DCTN2: variants seen among roughly 807,000 people sequenced by gnomAD.
DCTN2 encodes the protein 50 kDa dynein-associated polypeptide.
DCTN2 carries 18 observed loss-of-function variants against 55.4 expected under a neutral mutation model. The observed-to-expected ratio is 0.32, with a 90% confidence interval of 0.22 to 0.48. The LOEUF (loss-of-function observed/expected upper bound fraction) is 0.48. DCTN2 is among the 20% of genes least tolerant of loss of function. DCTN2 has a pLI of 0.99. For synonymous variants in DCTN2, 168 were observed against 185.2 expected (o/e 0.91, Z 0.76); for missense variants, 390 against 491.0 (o/e 0.79, Z 1.94).
rs538067840 is a variant in DCTN2, at chr12:57,534,200, C to T, written c.524+92G>A. ...TCAGCATTAAGAAACATCTAAGCCA[C>T]TTCTCTGCCACTTAGCACCCCTGTC... On this transcript the variant is annotated intron_variant, in intron 6 of 13. Transcript: ENST00000548249. 96 of 1,523,218 alleles carry T rather than the reference C, an allele frequency of 6.3e-5. 1 individual carries two copies. In the African/African-American group the frequency reaches 1.2e-3, roughly 19 times the overall value. The allele number at this position is 1,523,218 out of a possible 1,614,324, so 94.4% of individuals were successfully genotyped here.
chr12:57,533,543 G>A (rs1182879685), intron 7 of DCTN2, among the ~76,000 whole-genome samples: 3 of 152,102 alleles, frequency 2.0e-5, no homozygotes, highest in South Asian at 4.1e-4. Flanking sequence ...AGGCCGAGGC[G>A]GGCGGATCAC....
chr12:57,534,192 C>G (rs1880018649), intron 6 of DCTN2, 95 bp from the exon 7 acceptor site: 1 of 1,525,578 alleles, frequency 6.6e-7, no homozygotes, highest in Admixed American at 2.0e-5. Context: ...TAAGAAACAT[C>G]TAAGCCACTT....
At position 57,530,471 on chromosome 12, in the gene DCTN2, C is replaced by G; in HGVS notation, c.*218G>C. Reference sequence around the variant, plus strand: ...TGGGCCCACGTCCTTATCCCCCAGGCCTGAGGGGAGACCACCTTCTGATGA... The same window carrying G: ...TGGGCCCACGTCCTTATCCCCCAGGGCTGAGGGGAGACCACCTTCTGATGA... On this transcript the variant is annotated 3_prime_UTR_variant, in exon 14 of 14. Coordinates refer to ENST00000548249, the MANE Select transcript of DCTN2 (RefSeq NM_001261413.2). 2.0e-6 allele frequency: 1 copy of G among 498,462 alleles called. No individual in the cohort carries two copies. Among genetic ancestry groups the G allele is most frequent in the East Asian group, 3.1e-5 (1 of 32,358 alleles). The allele number at this position is 498,462 out of a possible 1,614,324, so 30.9% of individuals were successfully genotyped here.
In DCTN2 at chr12:57,539,515, C is replaced by T. The variant is rs187374919; in HGVS notation, c.106-3670G>A. Among the ~76,000 whole-genome samples, 20 of 152,308 alleles carry T rather than the reference C, an allele frequency of 1.3e-4. No individual in the cohort carries two copies. In the East Asian group the frequency reaches 2.9e-3, roughly 22 times the overall value. On this transcript the variant is annotated intron_variant, in intron 2 of 13. Transcript: ENST00000548249. ...GCCACATAGATAAGGCTCCCACTTC[C>T]GGGCAAGGCTGGTTTAGAACTGCCA...
At chr12:57,535,422 A>G in intron 4 of DCTN2, 62 bp downstream of exon 4, 2 of 1,582,420 alleles carry the variant, frequency 1.3e-6, no homozygotes, top group South Asian at 2.2e-5. Flanking sequence ...TCTCCCTACT[A>G]CATGTCTGCT....
At position 57,543,759 on chromosome 12, in the gene DCTN2, A is replaced by C. The variant is rs1192535242; in HGVS notation, c.105+2269T>G. ...AGCTGAGCCTTAGGTGACAGAAACA[A>C]TTCAGCTCTTCTTGTATTTGCCATT... is the stretch of plus-strand genomic sequence containing the variant. On this transcript the variant is annotated intron_variant, in intron 2 of 13. Coordinates refer to ENST00000548249, the MANE Select transcript of DCTN2 (RefSeq NM_001261413.2). The C allele has an allele frequency of 3.9e-6, 5 of 1,279,152 alleles. No homozygotes were observed. In the Admixed American group the frequency reaches 1.2e-4, roughly 30 times the overall value. The allele number at this position is 1,279,152 out of a possible 1,614,324, so 79.2% of individuals were successfully genotyped here.
chr12:57,541,472 C>A, intron 2 of DCTN2: 1 of 1,220,782 alleles, frequency 8.2e-7, no homozygotes, highest in Non-Finnish European at 1.2e-6. Flanking sequence ...CACAATCAAG[C>A]ATACTCCAGG....
chr12:57,532,182 C>T lies in DCTN2; in HGVS notation c.1027+31G>A, dbSNP rs370683637. 1.7e-4 allele frequency: 267 copies of T among 1,552,250 alleles called. 1 individual carries two copies. Among genetic ancestry groups the T allele is most frequent in the Non-Finnish European group, 2.2e-4 (251 of 1,147,346 alleles). Reference sequence around the variant, plus strand: ...CCAAAAGTTGCCCATTTTTCAACTTCTCTTAGCACTCCTGGCAGCTGGCCT... The same window carrying T: ...CCAAAAGTTGCCCATTTTTCAACTTTTCTTAGCACTCCTGGCAGCTGGCCT... On this transcript the variant is annotated intron_variant, in intron 12 of 13. Coordinates refer to ENST00000548249, the MANE Select transcript of DCTN2 (RefSeq NM_001261413.2).
At chr12:57,532,454 T>A (rs1476621195) in intron 11 of DCTN2, 118 bp downstream of exon 11, 1 of 1,353,654 alleles carries the variant, frequency 7.4e-7, no homozygotes, top group East Asian at 2.3e-5. Flanking sequence ...GCTGATAAGC[T>A]CTTCATAAGA....
At chr12:57,535,374 G>T (rs1209957379) in intron 4 of DCTN2, 110 bp downstream of exon 4, 3 of 1,381,220 alleles carry the variant, frequency 2.2e-6, no homozygotes, top group African/African-American at 2.9e-5. Context: ...GCTTCCTCAG[G>T]AACAGAGGAG....
chr12:57,530,069 G>A lies in DCTN2; in HGVS notation c.*620C>T, dbSNP rs750382783. 2 of 152,552 alleles carry A rather than the reference G, an allele frequency of 1.3e-5. No individual in the cohort carries two copies. The highest frequency in any genetic ancestry group is 2.9e-5 in the Non-Finnish European group (2 of 68,046). The allele number at this position is 152,552 out of a possible 1,614,324, so 9.4% of individuals were successfully genotyped here. ...CCCTTGGGAGTTTTAATTCTGTTTT[G>A]TACTTGCCCTGTGGGGCCTCCACTG... On this transcript the variant is annotated 3_prime_UTR_variant, in exon 14 of 14. Transcript: ENST00000548249.
intron 2 of DCTN2, among the ~76,000 whole-genome samples, chr12:57,538,882 G>A (rs1001852487): frequency 1.3e-5 from 2 of 152,210 alleles, no homozygotes; most frequent in Non-Finnish European, 2.9e-5. Flanking sequence ...AGAAACTGGG[G>A]AGAGAAGGCT....
At position 57,535,763 on chromosome 12, in the gene DCTN2, C is replaced by T. The variant is rs761114124; in HGVS notation, c.188G>A (p.Gly63Glu). Reference sequence around the variant, plus strand: ...CCCAGTCTCACCAAGTCCCTTTGTCCCCACTCTCTTGTCCTTGAACTTGTC... The same window carrying T: ...CCCAGTCTCACCAAGTCCCTTTGTCTCCACTCTCTTGTCCTTGAACTTGTC... ...AYDKFKDKRV[G>E]TKGLDFSDRI... Residue 63 changes from glycine to glutamate, a missense_variant, in exon 3 of 14, where the codon GGG becomes GAG. Around this residue, in one of 2 missense-constraint regions of DCTN2, gnomAD observed 117 missense variants for 187.8 expected, o/e 0.62. Coordinates refer to ENST00000548249, the MANE Select transcript of DCTN2 (RefSeq NM_001261413.2). 1 of 1,613,784 alleles carries T rather than the reference C, an allele frequency of 6.2e-7. No individual in the cohort carries two copies. Among genetic ancestry groups the T allele is most frequent in the Non-Finnish European group, 8.5e-7 (1 of 1,179,694 alleles).
At chr12:57,541,677 C>A (rs1310813367) in intron 2 of DCTN2, among the ~76,000 whole-genome samples, 1 of 152,162 alleles carries the variant, frequency 6.6e-6, no homozygotes, top group African/African-American at 2.4e-5. Context: ...TAATTTACTT[C>A]CCTTATTCCA....
At chr12:57,542,683 G>A (rs1880791393) in intron 2 of DCTN2, among the ~76,000 whole-genome samples, 1 of 152,204 alleles carries the variant, frequency 6.6e-6, no homozygotes. Flanking sequence ...GCCAGGTGTG[G>A]TGGCACATGC....
chr12:57,538,702 A>G, intron 2 of DCTN2: 1 of 588,872 alleles, frequency 1.7e-6, no homozygotes, highest in East Asian at 2.9e-5. Flanking sequence ...AGCGAAATTT[A>G]GGGGCCAAGA....
At chr12:57,539,322 T>C (rs1206831362) in intron 2 of DCTN2, among the ~76,000 whole-genome samples, 2 of 152,246 alleles carry the variant, frequency 1.3e-5, no homozygotes, top group African/African-American at 4.8e-5. Context: ...AGAGCAATTC[T>C]GCCATGATGT....
Position 57,532,200 on chromosome 12 carries a change from G to A in DCTN2, c.1027+13C>T. ...TCAACTTCTCTTAGCACTCCTGGCA[G>A]CTGGCCTCCCACCTTGCTCGTGCAG... On this transcript the variant is annotated intron_variant, in intron 12 of 13. Coordinates refer to ENST00000548249, the MANE Select transcript of DCTN2 (RefSeq NM_001261413.2). 6.4e-7 allele frequency: 1 copy of A among 1,553,040 alleles called. No homozygotes were observed. Among genetic ancestry groups the A allele is most frequent in the South Asian group, 1.2e-5 (1 of 84,124 alleles).
At chr12:57,532,943 C>A (rs769531856) in intron 9 of DCTN2, 41 bp downstream of exon 9, 1 of 1,598,288 alleles carries the variant, frequency 6.3e-7, no homozygotes. Context: ...ACCCAACTAT[C>A]CCCTCTGTGA....
Sources: allele counts gnomAD v4.1 joint callset (sites outside exome capture counted in the v4.1 genomes callset), GRCh38; gene constraint gnomAD v4.1.1; regional missense constraint gnomAD v4.1.1; transcripts MANE v1.5; gene names NCBI Gene and HGNC (gene_info 2026-07-23, HGNC 2026-07-21).